SMIM7: variants seen among roughly 807,000 people sequenced by gnomAD.
The protein encoded by SMIM7 is UPF0608 protein C19orf42.
A neutral mutation model predicts 13.3 loss-of-function variants in SMIM7; 12 were observed. The observed-to-expected ratio is 0.90, with a 90% CI of 0.58 to 1.46. The LOEUF is 1.46. Ranked by LOEUF, SMIM7 falls within the 40% of genes most tolerant of loss-of-function variation. SMIM7 has a pLI of 0.00. For missense variants in SMIM7, 114 were observed against 94.8 expected, an observed-to-expected ratio of 1.20 and a Z score of -0.84; for synonymous variants, 36 against 35.8, an observed-to-expected ratio of 1.01 and a Z score of -0.02.
At chr19:16,635,377 A>AG (rs1438015953) in intron 4 of SMIM7, 1 of 152,128 alleles carries the variant, frequency 6.6e-6, no homozygotes, top group African/African-American at 2.4e-5. Flanking sequence ...AAAAAAAAAA[A>AG]AAAGTCCAGC....
chr19:16,658,611 A>T (rs2086626642), intron 3 of SMIM7, among the ~76,000 whole-genome samples: 2 of 152,192 alleles, frequency 1.3e-5, no homozygotes, highest in Non-Finnish European at 2.9e-5. Context: ...TTTTCAAGAA[A>T]AATCAGACAT....
chr19:16,647,061 T>G lies in SMIM7; in HGVS notation c.*185A>C, dbSNP rs1456658164. The G allele has an allele frequency of 1.4e-6, 1 of 700,292 alleles. No homozygotes were observed. The highest frequency in any genetic ancestry group is 2.4e-6 in the Non-Finnish European group (1 of 409,202). The allele number at this position is 700,292 out of a possible 1,614,324, so 43.4% of individuals were successfully genotyped here. A position where few individuals can be genotyped will look rare whatever the true frequency, so the allele number is the denominator to read the frequency against. ...TCAGAGACCAAAGTGAAACTATCTT[T>G]GAAAACAGGGACGTGGCTGGGAAAC... On this transcript the variant is annotated 3_prime_UTR_variant, in exon 5 of 5. Transcript: ENST00000487416.
Position 16,659,458 on chromosome 19 carries a change from G to C in SMIM7, c.69-11C>G. On this transcript the variant is annotated splice_polypyrimidine_tract_variant and intron_variant, in intron 2 of 4. Coordinates refer to ENST00000487416, the MANE Select transcript of SMIM7 (RefSeq NM_024104.4). ...GTGTCCTTCTTTTTCCTACAAAGAGGAGCAGACAGTGTCCACTTTCAATGG... is the reference window on the plus strand; with the variant it reads ...GTGTCCTTCTTTTTCCTACAAAGAGCAGCAGACAGTGTCCACTTTCAATGG... The C allele has an allele frequency of 1.2e-6, 2 of 1,611,972 alleles. No individual in the cohort carries two copies. Among genetic ancestry groups the C allele is most frequent in the South Asian group, 2.2e-5 (2 of 90,414 alleles).
intron 3 of SMIM7, among the ~76,000 whole-genome samples, chr19:16,654,500 G>A (rs1313481346): frequency 6.6e-6 from 1 of 152,230 alleles, no homozygotes; most frequent in East Asian, 1.9e-4. Context: ...GCCAAATCCA[G>A]CAGCCTCTTC....
At chr19:16,656,426 A>T (rs1181842360) in intron 3 of SMIM7, among the ~76,000 whole-genome samples, 1 of 152,090 alleles carries the variant, frequency 6.6e-6, no homozygotes, top group Non-Finnish European at 1.5e-5. Flanking sequence ...ACAGCAGTAT[A>T]CAGGGGATAC....
intron 2 of SMIM7, 84 bp downstream of exon 2, chr19:16,659,875 T>C: frequency 1.3e-6 from 2 of 1,523,314 alleles, no homozygotes; most frequent in Admixed American, 2.0e-5. Flanking sequence ...GGGCGGGGCC[T>C]GAGAAGTGCG....
intron 4 of SMIM7, chr19:16,631,789 C>T (rs1158789595): frequency 6.6e-6 from 1 of 152,050 alleles, no homozygotes; most frequent in Non-Finnish European, 1.5e-5. Flanking sequence ...TGTGAGGGCT[C>T]CAGGGATTAA....
intron 4 of SMIM7, among the ~76,000 whole-genome samples, chr19:16,635,869 G>GCAA (rs886604215): frequency 5.3e-4 from 64 of 121,628 alleles, no homozygotes; most frequent in Non-Finnish European, 8.4e-4. Flanking sequence ...GGGCAACAGA[G>GCAA]CAAGACCCTG....
chr19:16,659,033 C>T, intron 3 of SMIM7: 1 of 311,204 alleles, frequency 3.2e-6, no homozygotes, highest in South Asian at 3.1e-5. Flanking sequence ...GCCTGTAATC[C>T]CAGCTCTTCG....
At chr19:16,651,800 G>A (rs1383220607) in intron 4 of SMIM7, among the ~76,000 whole-genome samples, 1 of 140,400 alleles carries the variant, frequency 7.1e-6, no homozygotes, top group Non-Finnish European at 1.5e-5. Flanking sequence ...CCTTTGCAAA[G>A]ATGAGAATGA....
chr19:16,636,352 C>T (rs2086361285), intron 4 of SMIM7: 1 of 152,082 alleles, frequency 6.6e-6, no homozygotes, highest in Non-Finnish European at 1.5e-5. Flanking sequence ...CTTTTGACTT[C>T]CAGAATTGTA....
intron 3 of SMIM7, among the ~76,000 whole-genome samples, chr19:16,655,680 C>CAAAAAAAA (rs869256040): frequency 9.6e-4 from 37 of 38,476 alleles, no homozygotes; most frequent in African/African-American, 2.0e-3. Context: ...GACTCCATCT[C>CAAAAAAAA]AAAAAAAAAA....
At chr19:16,633,584 T>C (rs1020579896) in intron 4 of SMIM7, among the ~76,000 whole-genome samples, 1 of 151,864 alleles carries the variant, frequency 6.6e-6, no homozygotes, top group African/African-American at 2.4e-5. Flanking sequence ...AAACCTGTAT[T>C]GAGCTGGGCA....
chr19:16,638,148 T>C (rs971881618), intron 4 of SMIM7, among the ~76,000 whole-genome samples: 1 of 151,268 alleles, frequency 6.6e-6, no homozygotes, highest in South Asian at 2.1e-4. Flanking sequence ...GCACCTGTAA[T>C]CTCAGCTACT....
intron 4 of SMIM7, among the ~76,000 whole-genome samples, chr19:16,632,426 C>A (rs1030484384): frequency 6.6e-6 from 1 of 152,000 alleles, no homozygotes; most frequent in Non-Finnish European, 1.5e-5. Flanking sequence ...ACGCAAGCCC[C>A]GGAACCTGGT....
chr19:16,659,858 G>A (rs113593313), intron 2 of SMIM7, 101 bp downstream of exon 2: 36,168 of 1,483,030 alleles, frequency 0.024, 551 homozygotes, highest in Non-Finnish European at 0.027. Context: ...CGGGGCCTGC[G>A]GCTTGGGGGC....
downstream of SMIM7, among the ~76,000 whole-genome samples, chr19:16,643,341 T>G (rs764692082): frequency 1.8e-4 from 28 of 152,198 alleles, no homozygotes; most frequent in Non-Finnish European, 4.0e-4. Context: ...TGATTTATTT[T>G]TCCTCTTCTA....
rs1367988125 is a variant in SMIM7 at position 16,650,764 on chromosome 19, G to C, written c.212+3271C>G. Among the ~76,000 whole-genome samples the C allele has an allele frequency of 4.0e-5, 6 of 151,440 alleles. No homozygotes were observed. In the East Asian group the frequency reaches 9.7e-4, roughly 25 times the overall value. Reference sequence around the variant, plus strand: ...ACACGGAATATTGAACCATGCCCAGGCTCTGCCAATTTCCTCAGCAACTGC... The same window carrying C: ...ACACGGAATATTGAACCATGCCCAGCCTCTGCCAATTTCCTCAGCAACTGC... On this transcript the variant is annotated intron_variant, in intron 4 of 4. Coordinates refer to ENST00000487416, the MANE Select transcript of SMIM7 (RefSeq NM_024104.4).
intron 4 of SMIM7, among the ~76,000 whole-genome samples, chr19:16,651,296 C>CT (rs2086521487): frequency 6.6e-6 from 1 of 152,166 alleles, no homozygotes; most frequent in Non-Finnish European, 1.5e-5. Context: ...CAACTCAACT[C>CT]CACCGCTGTG....
Sources: allele counts gnomAD v4.1 joint callset (sites outside exome capture counted in the v4.1 genomes callset), GRCh38; gene constraint gnomAD v4.1.1; transcripts MANE v1.5; gene names NCBI Gene and HGNC (gene_info 2026-07-23, HGNC 2026-07-21).